The following ZBTB20 variants were observed in gnomAD, a reference collection of about 807,000 sequenced individuals.
ZBTB20 encodes zinc finger and BTB domain containing 20.
A neutral mutation model predicts 56.9 loss-of-function variants in ZBTB20; 9 were observed. That is an observed-to-expected ratio of 0.16 (90% confidence interval 0.10 to 0.28). The LOEUF is 0.28. Among genes scored for constraint, ZBTB20 ranks in the 10% least tolerant of loss-of-function variants. ZBTB20 has a pLI of 1.00. For missense variants in ZBTB20, 655 were observed against 1,003.0 expected (o/e 0.65, Z 4.69); for synonymous variants, 417 against 420.7 (o/e 0.99, Z 0.11).
At chr3:114,998,612 A>C (rs2079120872) in intron 2 of ZBTB20, among the ~76,000 whole-genome samples, 1 of 151,712 alleles carries the variant, frequency 6.6e-6, no homozygotes, top group Non-Finnish European at 1.5e-5. Flanking sequence ...TATGCAGCAG[A>C]GTGGATAATT....
At chr3:114,598,074 C>A (rs1196479259) in intron 6 of ZBTB20, among the ~76,000 whole-genome samples, 1 of 152,108 alleles carries the variant, frequency 6.6e-6, no homozygotes, top group African/African-American at 2.4e-5. Flanking sequence ...CCATGTGAGG[C>A]CACAATTCAG....
intron 1 of ZBTB20, among the ~76,000 whole-genome samples, chr3:115,141,028 A>C (rs2084798146): frequency 6.6e-6 from 1 of 152,122 alleles, no homozygotes; most frequent in Non-Finnish European, 1.5e-5. Context: ...ACTGCTATAA[A>C]TAATTTCTTG....
chr3:114,529,429 T>C (rs2047590242), intron 6 of ZBTB20: 1 of 152,228 alleles, frequency 6.6e-6, no homozygotes, highest in South Asian at 2.1e-4. Context: ...TAATGTTACC[T>C]TAACTAAGAA....
chr3:114,338,348 C>T lies in ZBTB20; in HGVS notation c.*657G>A, dbSNP rs1033517073. The T allele has an allele frequency of 6.6e-6, 1 of 152,136 alleles. No individual in the cohort carries two copies. Among genetic ancestry groups the T allele is most frequent in the African/African-American group, 2.4e-5 (1 of 41,410 alleles). 9.4% of individuals were successfully genotyped at this position (152,136 alleles called of 1,614,324 possible). A position where few individuals can be genotyped will look rare whatever the true frequency, so the allele number is the denominator to read the frequency against. ...GAAGGTGGGCCAGGGTGTGTGGACC[C>T]GGGCAGAATCTGGGGAAGAAGCCTG... On this transcript the variant is annotated 3_prime_UTR_variant, in exon 12 of 12. Coordinates refer to ENST00000675478, the MANE Select transcript of ZBTB20 (RefSeq NM_001348800.3).
At chr3:114,867,596 C>T (rs968517886) in intron 4 of ZBTB20, among the ~76,000 whole-genome samples, 1 of 152,090 alleles carries the variant, frequency 6.6e-6, no homozygotes, top group African/African-American at 2.4e-5. Flanking sequence ...CCACCACGCC[C>T]GGCTAACTTG....
rs777745612 is a variant in ZBTB20, at chr3:114,339,155, A to AG, written c.2075dup (p.Ala693CysfsTer33). ...CGCGGGCACCTGGGGGTGTGCCTGC[A>AG]GGGGGGGTCCCATTGCTGGCACTGT... On this transcript the variant is annotated frameshift_variant, in exon 12 of 12. Transcript: ENST00000675478. LOFTEE classifies it high-confidence loss of function. The surrounding 1 kb of genome is among the most constrained non-coding windows in gnomAD (Gnocchi z 4.2). The AG allele has an allele frequency of 6.2e-7, 1 of 1,613,834 alleles. No individual in the cohort carries two copies.
At chr3:114,477,786 C>T (rs1345361851) in intron 7 of ZBTB20, among the ~76,000 whole-genome samples, 13 of 151,940 alleles carry the variant, frequency 8.6e-5, no homozygotes, top group South Asian at 6.2e-4. Context: ...TGAGCCACCG[C>T]GCCCGGTCCG....
At chr3:114,991,386 G>GTTAT (rs2078802151) in intron 2 of ZBTB20, among the ~76,000 whole-genome samples, 1 of 152,130 alleles carries the variant, frequency 6.6e-6, no homozygotes, top group African/African-American at 2.4e-5. Context: ...TCAGGAGCAG[G>GTTAT]TTATTCAGTT....
intron 7 of ZBTB20, among the ~76,000 whole-genome samples, chr3:114,466,467 CT>C (rs949146795): frequency 6.6e-6 from 1 of 152,082 alleles, no homozygotes; most frequent in African/African-American, 2.4e-5. Flanking sequence ...TTGGCCTATT[CT>C]TTTTTAAGAC....
intron 6 of ZBTB20, among the ~76,000 whole-genome samples, chr3:114,543,042 C>T (rs74561388): frequency 0.013 from 2,025 of 152,102 alleles, 41 homozygotes; most frequent in African/African-American, 0.045. Flanking sequence ...TTGGTATCCT[C>T]GAGGGACTGA....
chr3:114,543,234 T>A (rs918074133), intron 6 of ZBTB20, among the ~76,000 whole-genome samples: 27 of 152,128 alleles, frequency 1.8e-4, no homozygotes, highest in African/African-American at 6.5e-4. Flanking sequence ...TATTTTTAAT[T>A]TGTCTTTTTT....
intron 2 of ZBTB20, among the ~76,000 whole-genome samples, chr3:115,032,565 C>G (rs76434915): frequency 0.077 from 11,630 of 151,218 alleles, 539 homozygotes; most frequent in Admixed American, 0.16. Context: ...AACACTCCAC[C>G]CAACAAAAAC....
intron 7 of ZBTB20, among the ~76,000 whole-genome samples, chr3:114,450,227 A>G (rs946915907): frequency 3.3e-5 from 5 of 152,222 alleles, no homozygotes; most frequent in African/African-American, 1.2e-4. Flanking sequence ...TGTGTGTTTA[A>G]AACTATGAAT....
chr3:114,601,800 T>C (rs1025410666), intron 6 of ZBTB20, among the ~76,000 whole-genome samples: 3 of 151,888 alleles, frequency 2.0e-5, no homozygotes, highest in African/African-American at 4.8e-5. Context: ...TCATCACACG[T>C]TGGGAAAAGC....
chr3:114,624,707 A>G (rs1023884507), intron 6 of ZBTB20, among the ~76,000 whole-genome samples: 1 of 152,114 alleles, frequency 6.6e-6, no homozygotes, highest in Non-Finnish European at 1.5e-5. Context: ...AGGGAAGTTC[A>G]GGGAAGGGGG....
chr3:115,078,794 A>G (rs1324880707), intron 1 of ZBTB20, among the ~76,000 whole-genome samples: 2 of 151,956 alleles, frequency 1.3e-5, no homozygotes, highest in Non-Finnish European at 2.9e-5. Context: ...TAGGTCTTTT[A>G]TGTTAATCAT....
intron 5 of ZBTB20, among the ~76,000 whole-genome samples, chr3:114,727,459 A>G (rs2065390525): frequency 6.6e-6 from 1 of 152,230 alleles, no homozygotes; most frequent in Non-Finnish European, 1.5e-5. Flanking sequence ...GGCAATGAGA[A>G]CTTTCTACCT....
chr3:114,813,692 A>G (rs2072721311), intron 4 of ZBTB20, among the ~76,000 whole-genome samples: 1 of 152,232 alleles, frequency 6.6e-6, no homozygotes, highest in African/African-American at 2.4e-5. Flanking sequence ...CGGAGGTTGC[A>G]GTGAGTCAAG....
At position 114,961,336 on chromosome 3, in the gene ZBTB20, C is replaced by T. The variant is rs569569343; in HGVS notation, c.-456+13030G>A. ...TCTGGTTTGCAGTAGGGTTGTAGAC[C>T]TTGCAAGACTTCTGCATTTTGGTTT... On this transcript the variant is annotated intron_variant, in intron 3 of 11. Coordinates refer to ENST00000675478, the MANE Select transcript of ZBTB20 (RefSeq NM_001348800.3). Among the ~76,000 whole-genome samples the T allele has an allele frequency of 3.7e-4, 57 of 152,040 alleles. 1 individual carries two copies. Among genetic ancestry groups the T allele is most frequent in the African/African-American group, 1.3e-3 (54 of 41,492 alleles).
Sources: gnomAD v4.1 joint callset for allele counts (sites outside exome capture counted in the v4.1 genomes callset) on GRCh38, gnomAD v4.1.1 for gene constraint, Gnocchi (gnomAD v3.1) non-coding constraint, MANE v1.5 for transcripts, NCBI Gene and HGNC (gene_info 2026-07-23, HGNC 2026-07-21) for gene names.